Variants in AKNAD1 observed in about 807,000 individuals in gnomAD.
AKNAD1 encodes the protein AKNA domain containing 1, also known as protein AKNAD1.
Under a neutral mutation model 90.8 loss-of-function variants are expected in AKNAD1, and 67 were observed. The observed-to-expected ratio is 0.74, with a 90% CI of 0.61 to 0.90. The LOEUF (loss-of-function observed/expected upper bound fraction) is 0.90. Among genes scored for constraint, AKNAD1 ranks in the 40% least tolerant of loss-of-function variants. The pLI, the probability that AKNAD1 is intolerant of heterozygous loss-of-function variation, is 0.00. For synonymous variants in AKNAD1, 327 were observed against 341.4 expected (o/e 0.96, Z 0.46); for missense variants, 957 against 975.4 (o/e 0.98, Z 0.25).
In AKNAD1 at chr1:108,852,174, T is replaced by G. The variant is rs1236828332; in HGVS notation, c.491A>C (p.Gln164Pro). 1.9e-6 allele frequency: 3 copies of G among 1,613,710 alleles called. No individual in the cohort carries two copies. The highest frequency in any genetic ancestry group is 2.5e-6 in the Non-Finnish European group (3 of 1,179,972). ...CYNKNSWPKE[Q>P]TPELTDQLNP... ...GAGTTGGTCAGTGAGTTCTGGGGTT[T>G]GTTCTTTTGGCCAAGAATTCTTATT... The change falls in exon 2 of 16, where the codon CAA (glutamine) becomes CCA (proline). Residue 164 changes from glutamine (Q) to proline (P), a missense_variant. Gln to Pro is a moderately conservative substitution (Grantham distance 76, BLOSUM62 -1). Transcript: ENST00000370001.
intron 15 of AKNAD1, 59 bp downstream of exon 15, chr1:108,816,989 G>A: frequency 1.3e-6 from 2 of 1,592,742 alleles, no homozygotes; most frequent in Non-Finnish European, 1.7e-6. Context: ...CAGTTCTGTG[G>A]GCATCAAGAT....
chr1:108,841,057 C>A (rs1034841598), intron 6 of AKNAD1, among the ~76,000 whole-genome samples: 1 of 152,068 alleles, frequency 6.6e-6, no homozygotes, highest in Non-Finnish European at 1.5e-5. Flanking sequence ...CCTTTAATCC[C>A]AGCTATTCTG....
At chr1:108,845,025 G>A (rs1664662618) in intron 5 of AKNAD1, among the ~76,000 whole-genome samples, 1 of 152,024 alleles carries the variant, frequency 6.6e-6, no homozygotes, top group Admixed American at 6.5e-5. Context: ...CACCATGTTG[G>A]CCAGGCTGGT....
chr1:108,823,420 C>A lies in AKNAD1; in HGVS notation c.2117G>T (p.Gly706Val). 1 of 1,614,124 alleles carries A rather than the reference C, an allele frequency of 6.2e-7. No homozygotes were observed. The highest frequency in any genetic ancestry group is 8.5e-7 in the Non-Finnish European group (1 of 1,180,020). Residue 706 changes from glycine (G) to valine (V), a missense_variant, in exon 13 of 16, where the codon GGT becomes GTT. By Grantham distance (109) the Gly-to-Val change is moderately radical. Coordinates refer to ENST00000370001, the MANE Select transcript of AKNAD1 (RefSeq NM_152763.5). The part of the protein sequence containing the change: ...GQNYSNHSKR[G>V]AFVQPHSLDE... The stretch of plus-strand genomic sequence containing the variant: ...TAAAGAATGGGGCTGGACAAAGGCA[C>A]CTCTTTTGCTATGATTTGAGTAATT...
rs1330967798 is a variant in AKNAD1 at position 108,852,327 on chromosome 1, A to G, written c.338T>C (p.Leu113Ser). Residue 113 changes from leucine (L) to serine (S), a missense_variant, in exon 2 of 16, where the codon TTA becomes TCA. Coordinates refer to ENST00000370001, the MANE Select transcript of AKNAD1 (RefSeq NM_152763.5). The stretch of plus-strand genomic sequence containing the variant: ...TGGCTCTTTGGAAAGATGATGAAGT[A>G]AAATATCAGAAATGCTTGACTTAGA... ...DASKSSISDI[L>S]LHHLSKEPFL... The G allele has an allele frequency of 1.9e-6, 3 of 1,614,178 alleles. No individual in the cohort carries two copies. Among genetic ancestry groups the G allele is most frequent in the South Asian group, 1.1e-5 (1 of 91,086 alleles).
At chr1:108,857,640 C>T (rs1390108794), upstream of AKNAD1, 1 of 152,674 alleles carries the variant, frequency 6.5e-6, no homozygotes, top group Non-Finnish European at 1.5e-5. Flanking sequence ...TCCCAACACC[C>T]TCTGTTCTGT....
At chr1:108,837,884 T>C (rs1268641620) in intron 6 of AKNAD1, among the ~76,000 whole-genome samples, 178 bp from the exon 7 acceptor site, 1 of 152,202 alleles carries the variant, frequency 6.6e-6, no homozygotes, top group Admixed American at 6.5e-5. Context: ...TGGGCTCTGA[T>C]CTTCACCTGC....
At chr1:108,841,187 GTAATAATAAAAATAA>G (rs1385588512) in intron 6 of AKNAD1, among the ~76,000 whole-genome samples, 1 of 151,404 alleles carries the variant, frequency 6.6e-6, no homozygotes, top group African/African-American at 2.4e-5. Context: ...AATAATAATA[GTAATAATAAAAATAA>G]TAATAATAAA....
At chr1:108,822,110 T>C (rs1003056089) in intron 13 of AKNAD1, among the ~76,000 whole-genome samples, 1 of 152,092 alleles carries the variant, frequency 6.6e-6, no homozygotes, top group African/African-American at 2.4e-5. Flanking sequence ...AAATGTAATT[T>C]TGGATTTTAC....
Position 108,852,064 on chromosome 1 carries a change from C to G in AKNAD1, c.601G>C (p.Val201Leu). Residue 201 changes from valine (V) to leucine (L), a missense_variant, in exon 2 of 16, where the codon GTG becomes CTG. Physicochemically the swap from Val to Leu is conservative, Grantham distance 32. Transcript: ENST00000370001. Reference protein sequence around the residue: ...EENTSDLEGPVAAGDSSHQEN... With the variant: ...EENTSDLEGPLAAGDSSHQEN... The stretch of plus-strand genomic sequence containing the variant: ...TGATGGCTGCTATCTCCAGCAGCCA[C>G]TGGCCCTTCTAAATCAGAGGTATTT... 1 of 1,614,182 alleles carries G rather than the reference C, an allele frequency of 6.2e-7. No homozygotes were observed. Among genetic ancestry groups the G allele is most frequent in the Non-Finnish European group, 8.5e-7 (1 of 1,180,020 alleles).
chr1:108,846,644 T>C (rs909885168), intron 5 of AKNAD1, among the ~76,000 whole-genome samples: 3 of 152,102 alleles, frequency 2.0e-5, no homozygotes, highest in South Asian at 4.2e-4. Context: ...GCCATTTCCC[T>C]CGAGTCTCTC....
In AKNAD1 at chr1:108,823,605, G is replaced by T; in HGVS notation, c.2020C>A (p.Pro674Thr). 1.2e-6 allele frequency: 2 copies of T among 1,614,132 alleles called. No individual in the cohort carries two copies. The highest frequency in any genetic ancestry group is 1.7e-6 in the Non-Finnish European group (2 of 1,180,032). The change falls in exon 12 of 16, where the codon CCT becomes ACT. Residue 674 changes from proline to threonine, a missense_variant. Transcript: ENST00000370001. ...TTCCTGCAGGCTCTTCGGGAGGTAG[G>T]AATCTTAGTGCCACAGTCCTGACAT... ...NKCQDCGTKIPTSRRACRKEP... is the reference protein window; with the variant it reads ...NKCQDCGTKITTSRRACRKEP...
At chr1:108,821,744 T>C (rs185572508) in intron 13 of AKNAD1, among the ~76,000 whole-genome samples, 23 of 152,280 alleles carry the variant, frequency 1.5e-4, no homozygotes, top group African/African-American at 4.6e-4. Context: ...AAAGTCACCA[T>C]GGAAAACAAG....
chr1:108,845,252 T>A (rs4970814), intron 5 of AKNAD1, among the ~76,000 whole-genome samples: 1 of 152,216 alleles, frequency 6.6e-6, no homozygotes, highest in African/African-American at 2.4e-5. Flanking sequence ...GTGCTGACCT[T>A]TAATGGACTG....
chr1:108,834,673 C>A (rs955670455), intron 8 of AKNAD1, 145 bp from the exon 9 acceptor site: 119 of 914,062 alleles, frequency 1.3e-4, no homozygotes, highest in Non-Finnish European at 1.8e-4. Flanking sequence ...GGGCCTCATG[C>A]GGCCACTTGA....
chr1:108,826,044 C>T (rs920013882), intron 11 of AKNAD1, among the ~76,000 whole-genome samples: 2 of 151,656 alleles, frequency 1.3e-5, no homozygotes, highest in African/African-American at 4.8e-5. Flanking sequence ...TGGTGGCCCC[C>T]CCGAAAGGGT....
At chr1:108,830,815 G>T in intron 9 of AKNAD1, 165 bp from the exon 10 acceptor site, 1 of 648,344 alleles carries the variant, frequency 1.5e-6, no homozygotes. Flanking sequence ...GGCGCAGGGG[G>T]ACAGGAGGGA....
chr1:108,850,392 C>A (rs994545213), intron 2 of AKNAD1, among the ~76,000 whole-genome samples: 3 of 152,188 alleles, frequency 2.0e-5, no homozygotes, highest in Non-Finnish European at 4.4e-5. Context: ...TATCCATCTG[C>A]TCCTGCTAAC....
intron 2 of AKNAD1, 37 bp downstream of exon 2, chr1:108,851,635 C>G (rs1664865666): frequency 6.6e-7 from 1 of 1,516,210 alleles, no homozygotes; most frequent in Non-Finnish European, 8.8e-7. Context: ...AAGCAGTGGT[C>G]CCAATTAATG....
Sources: allele counts gnomAD v4.1 joint callset (sites outside exome capture counted in the v4.1 genomes callset), GRCh38; gene constraint gnomAD v4.1.1; transcripts MANE v1.5; gene names NCBI Gene and HGNC (gene_info 2026-07-23, HGNC 2026-07-21).